BCO1: variants seen among roughly 807,000 people sequenced by gnomAD.
BCO1 encodes beta,beta-carotene 15,15'-dioxygenase.
In BCO1, 54 loss-of-function variants were observed where a neutral mutation model predicts 56.3. That is an observed-to-expected ratio of 0.96 (90% CI 0.77 to 1.20). BCO1 has a LOEUF of 1.20. BCO1 is among the 50% of genes most tolerant of loss of function. The probability of loss-of-function intolerance (pLI) is 0.00; values close to 1 mark genes in which losing one functional copy is unlikely to be tolerated. For synonymous variants in BCO1, 318 were observed against 266.1 expected (o/e 1.20, Z -1.90); for missense variants, 801 against 690.9 (o/e 1.16, Z -1.79).
chr16:81,246,797 G>A (rs1410351569), intron 2 of BCO1, among the ~76,000 whole-genome samples: 1 of 146,766 alleles, frequency 6.8e-6, no homozygotes, highest in Non-Finnish European at 1.5e-5. Context: ...GTTGCAGTGA[G>A]CTGAAATTGT....
intron 7 of BCO1, among the ~76,000 whole-genome samples, chr16:81,277,451 T>C (rs1232961738): frequency 6.6e-6 from 1 of 152,220 alleles, no homozygotes; most frequent in East Asian, 1.9e-4. Flanking sequence ...TGTGTGGCCC[T>C]GGACCAGCCT....
chr16:81,287,273 T>C, intron 9 of BCO1, 22 bp from the exon 10 acceptor site: 1 of 1,544,052 alleles, frequency 6.5e-7, no homozygotes, highest in South Asian at 1.1e-5. Flanking sequence ...CATTTATGTG[T>C]TTTTCCTCGT....
At chr16:81,239,951 A>G (rs1905040490) in intron 1 of BCO1, among the ~76,000 whole-genome samples, 1 of 152,060 alleles carries the variant, frequency 6.6e-6, no homozygotes, top group South Asian at 2.1e-4. Flanking sequence ...AGGCATTTTC[A>G]TCTGCTAGAT....
chr16:81,281,049 C>T, intron 8 of BCO1, 87 bp downstream of exon 8: 1 of 960,558 alleles, frequency 1.0e-6, no homozygotes, highest in Non-Finnish European at 1.7e-6. Flanking sequence ...TAATTCCCTC[C>T]TGTGCATGGA....
intron 2 of BCO1, among the ~76,000 whole-genome samples, chr16:81,254,150 A>T (rs927160658): frequency 6.6e-6 from 1 of 152,020 alleles, no homozygotes; most frequent in Admixed American, 6.6e-5. Context: ...TTTCTTTGAG[A>T]TAGAGTCTCC....
chr16:81,262,167 G>A lies in BCO1; in HGVS notation c.355G>A (p.Asp119Asn), dbSNP rs764080372. The A allele has an allele frequency of 1.2e-6, 2 of 1,613,896 alleles. No homozygotes were observed. The highest frequency in any genetic ancestry group is 1.7e-6 in the Non-Finnish European group (2 of 1,179,974). Residue 119 changes from aspartate (D) to asparagine (N), a missense_variant, in exon 4 of 11, where the codon GAT (aspartate) becomes AAT (asparagine). Transcript: ENST00000258168. Reference sequence around the variant, plus strand: ...CTCCTACTTGTCTCACACCATCCCCGATTTCACCGACAACTGCCTGATCAA... The same window carrying A: ...CTCCTACTTGTCTCACACCATCCCCAATTTCACCGACAACTGCCTGATCAA... Reference protein sequence around the residue: ...AFSYLSHTIPDFTDNCLINIM... With the variant: ...AFSYLSHTIPNFTDNCLINIM...
At chr16:81,271,001 C>T (rs897341267) in intron 7 of BCO1, among the ~76,000 whole-genome samples, 1 of 152,216 alleles carries the variant, frequency 6.6e-6, no homozygotes, top group African/African-American at 2.4e-5. Context: ...GCCTCGGCCT[C>T]CCAAAGTGCT....
At chr16:81,254,476 C>T (rs1398443921) in intron 2 of BCO1, among the ~76,000 whole-genome samples, 1 of 150,492 alleles carries the variant, frequency 6.6e-6, no homozygotes, top group Non-Finnish European at 1.5e-5. Flanking sequence ...TAGATAAGGG[C>T]TTCCTACATT....
At chr16:81,271,535 C>T (rs1907218560) in intron 7 of BCO1, among the ~76,000 whole-genome samples, 1 of 152,184 alleles carries the variant, frequency 6.6e-6, no homozygotes, top group African/African-American at 2.4e-5. Context: ...ACCCCTTAGC[C>T]ATCACCTCCT....
intron 9 of BCO1, among the ~76,000 whole-genome samples, chr16:81,286,769 G>T (rs1908204477): frequency 6.6e-6 from 1 of 151,922 alleles, no homozygotes; most frequent in African/African-American, 2.4e-5. Flanking sequence ...GTGGCCAGAG[G>T]ACCCATGTTT....
chr16:81,259,803 C>CAAGTA lies in BCO1; in HGVS notation c.323_323+4dup. The CAAGTA allele has an allele frequency of 1.2e-6, 2 of 1,614,166 alleles. No homozygotes were observed. Among genetic ancestry groups the CAAGTA allele is most frequent in the Non-Finnish European group, 1.7e-6 (2 of 1,180,006 alleles). On this transcript the variant is annotated frameshift_variant and splice_region_variant, in exon 3 of 11. Coordinates refer to ENST00000258168, the MANE Select transcript of BCO1 (RefSeq NM_017429.3). LOFTEE classifies it high-confidence loss of function. The stretch of plus-strand genomic sequence containing the variant: ...CGGACCCCTGCAAAAACATATTTTC[C>CAAGTA]AAGTAACTGCCTATTTTAAATCTGA...
intron 3 of BCO1, among the ~76,000 whole-genome samples, chr16:81,261,701 A>C (rs1284753105): frequency 2.0e-5 from 3 of 151,854 alleles, no homozygotes; most frequent in Non-Finnish European, 2.9e-5. Context: ...CAGGTGACCC[A>C]TTGGGACCCA....
chr16:81,263,947 G>A (rs1213113933), intron 4 of BCO1: 1 of 155,948 alleles, frequency 6.4e-6, no homozygotes, highest in African/African-American at 2.4e-5. Context: ...CTACAGAGAG[G>A]AAATGCTGGA....
In BCO1 at chr16:81,262,211, A is replaced by G; in HGVS notation, c.399A>G (p.Glu133=). The G allele has an allele frequency of 6.2e-7, 1 of 1,613,970 alleles. No individual in the cohort carries two copies. The highest frequency in any genetic ancestry group is 2.2e-5 in the East Asian group (1 of 44,878). Residue 133 remains glutamate, a synonymous_variant, in exon 4 of 11, where the codon GAA becomes GAG. Transcript: ENST00000258168. ...TGATCAACATCATGAAGTGCGGAGA[A>G]GACTTCTACGCGACCTCAGAGACCA... is the stretch of plus-strand genomic sequence containing the variant. ...NCLINIMKCG[E]DFYATSETNY...
intron 7 of BCO1, among the ~76,000 whole-genome samples, chr16:81,278,548 CTGGCT>C (rs1246782396): frequency 1.3e-5 from 2 of 152,204 alleles, no homozygotes; most frequent in African/African-American, 4.8e-5. Context: ...AATCTGGTCC[CTGGCT>C]TCATGCGGCA....
At chr16:81,241,054 A>G (rs60640107) in intron 1 of BCO1, among the ~76,000 whole-genome samples, 57,010 of 151,918 alleles carry the variant, frequency 0.38, 11,297 homozygotes, top group African/African-American at 0.5. Flanking sequence ...GGCTGGTCGC[A>G]AACTCCCAAC....
intron 2 of BCO1, among the ~76,000 whole-genome samples, chr16:81,256,192 A>G (rs977408526): frequency 6.6e-6 from 1 of 152,004 alleles, no homozygotes; most frequent in Non-Finnish European, 1.5e-5. Flanking sequence ...GTATGAAACC[A>G]GATAACACAC....
rs975291498 is a variant in BCO1 at position 81,287,526 on chromosome 16, G to C, written c.1414+120G>C. On this transcript the variant is annotated intron_variant, in intron 10 of 10. Coordinates refer to ENST00000258168, the MANE Select transcript of BCO1 (RefSeq NM_017429.3). ...CATAAAGGGGGTGGATTGGTGCTTT[G>C]AAGTGTACATCTGTCTGGGTCAAAG... 7 of 779,800 alleles carry C rather than the reference G, an allele frequency of 9.0e-6. No homozygotes were observed. In the African/African-American group the frequency reaches 1.2e-4, roughly 13 times the overall value. 48.3% of individuals were successfully genotyped at this position (779,800 alleles called of 1,614,324 possible).
At chr16:81,253,192 G>C (rs528543676) in intron 2 of BCO1, among the ~76,000 whole-genome samples, 2 of 152,206 alleles carry the variant, frequency 1.3e-5, no homozygotes, top group East Asian at 3.9e-4. Context: ...AGGAGACTGA[G>C]GCTCGATGAG....
Sources: allele counts gnomAD v4.1 joint callset (sites outside exome capture counted in the v4.1 genomes callset), GRCh38; gene constraint gnomAD v4.1.1; transcripts MANE v1.5; gene names NCBI Gene and HGNC (gene_info 2026-07-23, HGNC 2026-07-21).